AGK: variants seen among roughly 807,000 people sequenced by gnomAD.
AGK encodes the protein acylglycerol kinase, mitochondrial.
Under a neutral mutation model 66.4 loss-of-function variants are expected in AGK, and 52 were observed. The ratio of observed to expected loss-of-function variants is 0.78; its 90% CI spans 0.63 to 0.99. The LOEUF is 0.99. Among genes scored for constraint, AGK ranks in the 50% least tolerant of loss-of-function variants. The probability of loss-of-function intolerance (pLI) is 0.00; values close to 1 mark genes in which losing one functional copy is unlikely to be tolerated. For synonymous variants in AGK, 182 were observed against 181.1 expected, an observed-to-expected ratio of 1.00 and a Z score of -0.04; for missense variants, 451 against 506.6, an observed-to-expected ratio of 0.89 and a Z score of 1.05.
chr7:141,603,991 C>G (rs560766813), intron 5 of AGK, among the ~76,000 whole-genome samples: 3 of 152,244 alleles, frequency 2.0e-5, no homozygotes, highest in African/African-American at 7.2e-5. Flanking sequence ...CCATCTTATA[C>G]TATCAAATGT....
intron 13 of AGK, among the ~76,000 whole-genome samples, chr7:141,642,402 T>A (rs1797311084): frequency 6.6e-6 from 1 of 152,212 alleles, no homozygotes; most frequent in Admixed American, 6.5e-5. Context: ...ATTAGCCACA[T>A]GTGGCTAGTT....
At chr7:141,581,437 A>G (rs531669962) in intron 2 of AGK, among the ~76,000 whole-genome samples, 8 of 152,072 alleles carry the variant, frequency 5.3e-5, no homozygotes, top group African/African-American at 1.9e-4. Flanking sequence ...GAACTAACCT[A>G]TAATGCTTGT....
At chr7:141,583,572 CA>C (rs947999049) in intron 2 of AGK, among the ~76,000 whole-genome samples, 1 of 151,664 alleles carries the variant, frequency 6.6e-6, no homozygotes, top group Non-Finnish European at 1.5e-5. Context: ...GCTTGCCCCC[CA>C]AAAAATGGTG....
chr7:141,590,302 C>G (rs773334288), intron 2 of AGK, among the ~76,000 whole-genome samples: 6 of 152,154 alleles, frequency 3.9e-5, no homozygotes, highest in Admixed American at 6.5e-5. Flanking sequence ...AGAGGAGGAG[C>G]CTGGAAATGG....
chr7:141,625,443 G>A (rs145252966), intron 9 of AGK, among the ~76,000 whole-genome samples: 1 of 152,010 alleles, frequency 6.6e-6, no homozygotes. Flanking sequence ...TCAAACTCCT[G>A]GGCTCAAGGG....
At chr7:141,589,526 T>G (rs559926578) in intron 2 of AGK, among the ~76,000 whole-genome samples, 3 of 152,294 alleles carry the variant, frequency 2.0e-5, no homozygotes, top group Admixed American at 1.3e-4. Context: ...ATCAAGATGG[T>G]TAACACCATT....
chr7:141,636,468 T>C (rs1336848828), intron 10 of AGK, among the ~76,000 whole-genome samples: 2 of 152,300 alleles, frequency 1.3e-5, no homozygotes, highest in Non-Finnish European at 2.9e-5. Flanking sequence ...CACCGAGTAC[T>C]GTGTTGAATC....
intron 2 of AGK, among the ~76,000 whole-genome samples, chr7:141,586,123 C>T (rs1326722399): frequency 6.6e-6 from 1 of 152,100 alleles, no homozygotes; most frequent in Non-Finnish European, 1.5e-5. Context: ...TACAGGGCCA[C>T]TTCTTGTGGT....
chr7:141,620,149 A>G (rs1447766989), intron 8 of AGK, among the ~76,000 whole-genome samples: 1 of 152,198 alleles, frequency 6.6e-6, no homozygotes, highest in Admixed American at 6.5e-5. Context: ...CGCAGAAAAC[A>G]TAGTAATTGT....
intron 15 of AGK, chr7:141,652,283 A>G (rs1797579768): frequency 1.3e-5 from 2 of 155,292 alleles, no homozygotes; most frequent in Admixed American, 1.2e-4. Context: ...GAAGGGTTTC[A>G]TAGACTGTAA....
At chr7:141,551,959 C>G (rs1262498494) in intron 1 of AGK, among the ~76,000 whole-genome samples, 2 of 152,126 alleles carry the variant, frequency 1.3e-5, no homozygotes, top group African/African-American at 2.4e-5. Context: ...TCTCCTAAAC[C>G]GCACTACTTT....
rs1554394084 is a variant in AGK at position 141,551,454 on chromosome 7, G to GGCGGGGAGCGCAGT, written c.-15+26_-15+39dup. ...GCCGTGGTGAGTGCAGCGGCGCCCA[G>GGCGGGGAGCGCAGT]GCGGGGAGCGCAGTGCGGGTCGCTG... On this transcript the variant is annotated intron_variant, in intron 1 of 15. Coordinates refer to ENST00000649286, the MANE Select transcript of AGK (RefSeq NM_018238.4). 4 of 152,940 alleles carry GGCGGGGAGCGCAGT rather than the reference G, an allele frequency of 2.6e-5. No homozygotes were observed. Among genetic ancestry groups the GGCGGGGAGCGCAGT allele is most frequent in the Non-Finnish European group, 4.4e-5 (3 of 68,708 alleles). The allele number at this position is 152,940 out of a possible 1,614,324, so 9.5% of individuals were successfully genotyped here.
chr7:141,555,466 G>T lies in AGK; in HGVS notation c.-1G>T, dbSNP rs779607223. 6.2e-7 allele frequency: 1 copy of T among 1,612,736 alleles called. No individual in the cohort carries two copies. Among genetic ancestry groups the T allele is most frequent in the Non-Finnish European group, 8.5e-7 (1 of 1,179,066 alleles). On this transcript the variant is annotated 5_prime_UTR_variant, in exon 2 of 16. Coordinates refer to ENST00000649286, the MANE Select transcript of AGK (RefSeq NM_018238.4). The surrounding 1 kb of genome is among the most constrained non-coding windows in gnomAD (Gnocchi z 4.2). ...CTACTAACCTAGCAAATCTCTAGAA[G>T]ATGACGGTGTTCTTTAAAACGCTTC...
chr7:141,618,562 A>T (rs1796757393), intron 8 of AGK, among the ~76,000 whole-genome samples: 2 of 152,194 alleles, frequency 1.3e-5, no homozygotes, highest in African/African-American at 4.8e-5. Context: ...CTGAGTCTAG[A>T]TTCTATAATT....
intron 13 of AGK, 45 bp from the exon 14 acceptor site, chr7:141,649,218 G>C (rs752436245): frequency 7.0e-7 from 1 of 1,421,776 alleles, no homozygotes; most frequent in Non-Finnish European, 9.9e-7. Flanking sequence ...GGCTGCATTA[G>C]CCAAATTTTA....
At chr7:141,604,171 T>G (rs1796398964) in intron 5 of AGK, among the ~76,000 whole-genome samples, 1 of 151,796 alleles carries the variant, frequency 6.6e-6, no homozygotes. Flanking sequence ...AAACCACTAC[T>G]CTTTACAGGG....
Position 141,647,796 on chromosome 7 carries a change from G to A in AGK, c.976-1467G>A, listed in dbSNP as rs1797452705. Among the ~76,000 whole-genome samples, 5 of 151,926 alleles carry A rather than the reference G, an allele frequency of 3.3e-5. No homozygotes were observed. In the South Asian group the frequency reaches 1.0e-3, roughly 32 times the overall value. On this transcript the variant is annotated intron_variant, in intron 13 of 15. Coordinates refer to ENST00000649286, the MANE Select transcript of AGK (RefSeq NM_018238.4). ...AGCGATTCTCCCGCCTCAGCCTCCC[G>A]AGTAGCTGGGATTACAGGCGCCCGC... is the stretch of plus-strand genomic sequence containing the variant.
At chr7:141,595,701 A>G (rs1382096044) in intron 3 of AGK, among the ~76,000 whole-genome samples, 2 of 152,056 alleles carry the variant, frequency 1.3e-5, no homozygotes, top group Admixed American at 1.3e-4. Context: ...GTACTTTCCT[A>G]TTCTTTTTGT....
chr7:141,593,296 A>G lies in AGK; in HGVS notation c.141+111A>G, dbSNP rs534390500. On this transcript the variant is annotated intron_variant, in intron 3 of 15. Transcript: ENST00000649286. Reference sequence around the variant, plus strand: ...TGTCTTGCATCTGTGCAGTCTGGCTATTTTTTAGCACTATCAGGATGAATC... The same window carrying G: ...TGTCTTGCATCTGTGCAGTCTGGCTGTTTTTTAGCACTATCAGGATGAATC... The G allele has an allele frequency of 5.2e-6, 5 of 962,118 alleles. No homozygotes were observed. In the African/African-American group the frequency reaches 6.4e-5, roughly 12 times the overall value. 59.6% of individuals were successfully genotyped at this position (962,118 alleles called of 1,614,324 possible).
Sources: gnomAD v4.1 joint callset for allele counts (sites outside exome capture counted in the v4.1 genomes callset) on GRCh38, gnomAD v4.1.1 for gene constraint, Gnocchi (gnomAD v3.1) non-coding constraint, MANE v1.5 for transcripts, NCBI Gene and HGNC (gene_info 2026-07-23, HGNC 2026-07-21) for gene names.